DISP1: variants seen among roughly 807,000 people sequenced by gnomAD.
The protein encoded by DISP1 is protein dispatched homolog 1.
Under a neutral mutation model 37.3 loss-of-function variants are expected in DISP1, and 30 were observed. That is an observed-to-expected ratio of 0.80 (90% CI 0.60 to 1.09). DISP1 has a LOEUF of 1.09. DISP1 is among the 50% of genes least tolerant of loss of function. DISP1 has a pLI of 0.00. For synonymous variants in DISP1, 634 were observed against 690.2 expected (o/e 0.92, Z 1.28); for missense variants, 1,598 against 1,879.5 (o/e 0.85, Z 2.77).
intron 3 of DISP1, among the ~76,000 whole-genome samples, chr1:222,978,348 C>T (rs556996028): frequency 0.054 from 8,137 of 151,980 alleles, 729 homozygotes; most frequent in African/African-American, 0.19. Flanking sequence ...TCATATCCTT[C>T]GCCCACTTTT....
intron 3 of DISP1, among the ~76,000 whole-genome samples, chr1:222,967,301 C>T (rs1490975571): frequency 6.6e-6 from 1 of 152,134 alleles, no homozygotes; most frequent in Non-Finnish European, 1.5e-5. Context: ...CCAGTTGCAT[C>T]TCTGTTAGCC....
chr1:222,873,815 T>C (rs935541823), intron 1 of DISP1, among the ~76,000 whole-genome samples: 14 of 152,304 alleles, frequency 9.2e-5, no homozygotes, highest in African/African-American at 3.1e-4. Context: ...ATCCTGTTAT[T>C]ATGATGTTAG....
chr1:222,976,890 A>C (rs1411309548), intron 3 of DISP1, among the ~76,000 whole-genome samples: 1 of 152,172 alleles, frequency 6.6e-6, no homozygotes, highest in Non-Finnish European at 1.5e-5. Context: ...TATTTTTAAG[A>C]ATGCATAAGT....
intron 3 of DISP1, among the ~76,000 whole-genome samples, chr1:222,949,485 T>C (rs915799099): frequency 1.3e-5 from 2 of 152,196 alleles, no homozygotes; most frequent in African/African-American, 4.8e-5. Flanking sequence ...GTAGCTTAAA[T>C]CGATTTTATT....
At chr1:222,909,207 C>A (rs1000555029) in intron 1 of DISP1, among the ~76,000 whole-genome samples, 1 of 151,880 alleles carries the variant, frequency 6.6e-6, no homozygotes, top group Non-Finnish European at 1.5e-5. Flanking sequence ...GTATTGAATT[C>A]TATAATTCAA....
Position 223,002,493 on chromosome 1 carries a change from T to A in DISP1, c.1096T>A (p.Ser366Thr). 1 of 1,614,130 alleles carries A rather than the reference T, an allele frequency of 6.2e-7. No homozygotes were observed. Among genetic ancestry groups the A allele is most frequent in the Non-Finnish European group, 8.5e-7 (1 of 1,180,014 alleles). The change falls in exon 9 of 9, where the codon TCC becomes ACC. Residue 366 changes from serine (S) to threonine (T), a missense_variant. By Grantham distance (58) the Ser-to-Thr change is moderately conservative. Transcript: ENST00000675850. ...CATCGCCATTCTGAACAATAGATCG[T>A]CCTGTCAGAAAATAGTTGAGCGAGA... The part of the protein sequence containing the change: ...NYIAILNNRS[S>T]CQKIVERDVS...
chr1:222,898,816 G>A (rs919677379), intron 1 of DISP1, among the ~76,000 whole-genome samples: 1 of 151,974 alleles, frequency 6.6e-6, no homozygotes, highest in Non-Finnish European at 1.5e-5. Context: ...GTTATATTAT[G>A]TTACTTTCAT....
chr1:222,979,641 T>C, intron 3 of DISP1: 1 of 471,156 alleles, frequency 2.1e-6, no homozygotes, highest in South Asian at 1.5e-5. Flanking sequence ...AAAAACTAAG[T>C]GTGCTTCATG....
At chr1:222,857,829 C>T (rs1174502539) in intron 1 of DISP1, among the ~76,000 whole-genome samples, 1 of 152,140 alleles carries the variant, frequency 6.6e-6, no homozygotes, top group East Asian at 1.9e-4. Context: ...TAGGAAGAAT[C>T]AATATCGTGA....
At chr1:222,943,731 TA>T (rs1674552904) in intron 3 of DISP1, among the ~76,000 whole-genome samples, 1 of 152,034 alleles carries the variant, frequency 6.6e-6, no homozygotes, top group Non-Finnish European at 1.5e-5. Flanking sequence ...GAAAAAGAAG[TA>T]AAAAACCCCT....
At chr1:222,870,739 T>C (rs889573220) in intron 1 of DISP1, among the ~76,000 whole-genome samples, 2 of 152,216 alleles carry the variant, frequency 1.3e-5, no homozygotes, top group African/African-American at 4.8e-5. Context: ...ATTCTATAGG[T>C]TGCCTGTTCA....
intron 3 of DISP1, among the ~76,000 whole-genome samples, chr1:222,981,889 G>A (rs1188991240): frequency 6.6e-6 from 1 of 152,196 alleles, no homozygotes; most frequent in Non-Finnish European, 1.5e-5. Context: ...AATTAGTGTA[G>A]TGGTTCCTAA....
At chr1:222,861,648 C>T (rs1052134910) in intron 1 of DISP1, among the ~76,000 whole-genome samples, 12 of 152,146 alleles carry the variant, frequency 7.9e-5, no homozygotes, top group African/African-American at 2.4e-4. Flanking sequence ...ACCTCACAAA[C>T]GTTTTCACCT....
At chr1:222,894,489 C>T (rs752366349) in intron 1 of DISP1, among the ~76,000 whole-genome samples, 11 of 152,240 alleles carry the variant, frequency 7.2e-5, no homozygotes, top group Non-Finnish European at 1.5e-4. Flanking sequence ...GCCCGGGTTG[C>T]GACAGCGCCT....
chr1:222,857,706 C>T (rs1432671742), intron 1 of DISP1, among the ~76,000 whole-genome samples: 3 of 152,082 alleles, frequency 2.0e-5, no homozygotes, highest in African/African-American at 7.2e-5. Flanking sequence ...AATAAAATAC[C>T]TAGGAATACA....
chr1:222,916,962 C>T (rs965990976), intron 1 of DISP1, among the ~76,000 whole-genome samples: 25 of 152,140 alleles, frequency 1.6e-4, no homozygotes, highest in African/African-American at 5.3e-4. Context: ...CTGCATCTGC[C>T]GCCCAGAAGG....
Position 223,002,933 on chromosome 1 carries a change from G to A in DISP1, c.1536G>A (p.Val512=), listed in dbSNP as rs61738819. The change falls in exon 9 of 9, where the codon GTG becomes GTA. Residue 512 remains valine, a synonymous_variant. Transcript: ENST00000675850. ...MDTVYPAIAI[V]IVLLVMCVYT... ...CTGTGTATCCTGCCATAGCCATTGT[G>A]ATTGTCCTTTTAGTTATGTGTGTCT... The A allele has an allele frequency of 0.13, 208,888 of 1,613,716 alleles. 14,711 individuals carry two copies. The highest frequency in any genetic ancestry group is 0.15 in the Non-Finnish European group (173,103 of 1,179,938).
chr1:222,899,469 A>C (rs1436326263), intron 1 of DISP1, among the ~76,000 whole-genome samples: 2 of 152,204 alleles, frequency 1.3e-5, no homozygotes, highest in Non-Finnish European at 2.9e-5. Context: ...TATGTGCATC[A>C]GTTAGTCAAA....
chr1:222,846,573 C>T (rs1313196207), intron 1 of DISP1, among the ~76,000 whole-genome samples: 2 of 151,866 alleles, frequency 1.3e-5, no homozygotes, highest in Non-Finnish European at 2.9e-5. Context: ...ATCAAAAAAG[C>T]AGGGAAGAGG....
Sources: gnomAD v4.1 joint callset for allele counts (sites outside exome capture counted in the v4.1 genomes callset) on GRCh38, gnomAD v4.1.1 for gene constraint, MANE v1.5 for transcripts, NCBI Gene and HGNC (gene_info 2026-07-23, HGNC 2026-07-21) for gene names.